WDPCP: variants seen among roughly 807,000 people sequenced by gnomAD.
WDPCP encodes WD repeat-containing and planar cell polarity effector protein fritz homolog.
WDPCP carries 71 observed loss-of-function variants against 93.1 expected under a neutral mutation model. The observed-to-expected ratio is 0.76, with a 90% confidence interval of 0.63 to 0.93. The LOEUF is 0.93. Among genes scored for constraint, WDPCP ranks in the 40% least tolerant of loss-of-function variants. The pLI is 0.00. For missense variants in WDPCP, 844 were observed against 887.4 expected, an observed-to-expected ratio of 0.95 and a Z score of 0.62; for synonymous variants, 315 against 315.0, an observed-to-expected ratio of 1.00 and a Z score of 0.00.
chr2:63,642,150 T>TAAAACA (rs1709987648), intron 3 of WDPCP, among the ~76,000 whole-genome samples: 3 of 152,168 alleles, frequency 2.0e-5, no homozygotes, highest in Non-Finnish European at 4.4e-5. Flanking sequence ...ATGTCTGTTT[T>TAAAACA]TATGCCAGTC....
chr2:63,515,110 T>C (rs1327594411), intron 1 of WDPCP, among the ~76,000 whole-genome samples: 3 of 152,188 alleles, frequency 2.0e-5, no homozygotes, highest in Non-Finnish European at 4.4e-5. Flanking sequence ...TATTTTCTAA[T>C]GAAAATTAGA....
At position 63,522,455 on chromosome 2, in the gene WDPCP, G is replaced by GACACACACACACACACAC. The variant is rs112008719; in HGVS notation, c.76-29533_76-29516dup. ...GGAAATCAAGACAGACAGACAGACA[G>GACACACACACACACACAC]ACACACACACACACACACACACACA... On this transcript the variant is annotated intron_variant, in intron 1 of 17. Transcript: ENST00000272321. Among the ~76,000 whole-genome samples the GACACACACACACACACAC allele has an allele frequency of 1.6e-4, 20 of 127,278 alleles. 1 individual carries two copies. Among genetic ancestry groups the GACACACACACACACACAC allele is most frequent in the South Asian group, 1.3e-3 (5 of 3,788 alleles). 83.5% of individuals were successfully genotyped at this position (127,278 alleles called of 152,430 possible). A position where few individuals can be genotyped will look rare whatever the true frequency, so the allele number is the denominator to read the frequency against.
intron 13 of WDPCP, among the ~76,000 whole-genome samples, chr2:63,298,008 G>A (rs1209994422): frequency 6.6e-6 from 1 of 152,100 alleles, no homozygotes. Flanking sequence ...GAGAAAAAAT[G>A]GCCAAAGGGT....
intron 2 of WDPCP, among the ~76,000 whole-genome samples, chr2:63,720,316 C>CTG (rs1333606482): frequency 1.3e-5 from 2 of 151,624 alleles, no homozygotes; most frequent in Non-Finnish European, 2.9e-5. Flanking sequence ...ACTCGGGAGG[C>CTG]TGAGGCAGAA....
At chr2:63,317,860 G>T (rs1686779986) in intron 12 of WDPCP, among the ~76,000 whole-genome samples, 1 of 152,080 alleles carries the variant, frequency 6.6e-6, no homozygotes, top group Non-Finnish European at 1.5e-5. Flanking sequence ...CCCTGGCAAA[G>T]ATGTCATGAC....
chr2:63,260,500 G>C (rs1681532056), intron 13 of WDPCP, among the ~76,000 whole-genome samples: 1 of 152,048 alleles, frequency 6.6e-6, no homozygotes, highest in Non-Finnish European at 1.5e-5. Context: ...GCAAAGTTTT[G>C]GGAAAACAGG....
chr2:63,277,904 A>C (rs1191664096), intron 13 of WDPCP, among the ~76,000 whole-genome samples: 4 of 152,244 alleles, frequency 2.6e-5, no homozygotes, highest in African/African-American at 9.6e-5. Flanking sequence ...AAATGAACTT[A>C]ACAGATATTT....
chr2:63,500,956 G>A (rs1701513888), intron 1 of WDPCP, among the ~76,000 whole-genome samples: 1 of 152,114 alleles, frequency 6.6e-6, no homozygotes, highest in Non-Finnish European at 1.5e-5. Context: ...ATTATTGAAT[G>A]TGTATCTAGA....
intron 6 of WDPCP, chr2:63,440,647 G>T (rs773151232): frequency 8.5e-5 from 13 of 152,510 alleles, no homozygotes; most frequent in Non-Finnish European, 1.2e-4. Context: ...AAAGGACTAT[G>T]CATATGCGTA....
chr2:63,679,874 C>T (rs1037611034), intron 2 of WDPCP, among the ~76,000 whole-genome samples: 1 of 152,148 alleles, frequency 6.6e-6, no homozygotes, highest in African/African-American at 2.4e-5. Flanking sequence ...GCCTCTCTTT[C>T]TTCTCACTGG....
At chr2:63,415,191 G>A (rs946437150) in intron 9 of WDPCP, among the ~76,000 whole-genome samples, 8 of 152,042 alleles carry the variant, frequency 5.3e-5, no homozygotes, top group Admixed American at 1.3e-4. Flanking sequence ...GCAAGACCTC[G>A]TCTCTACAAA....
chr2:63,655,092 C>T lies in WDPCP; in HGVS notation n.309-4254G>A, dbSNP rs145466773. Among the ~76,000 whole-genome samples, 60 of 152,304 alleles carry T rather than the reference C, an allele frequency of 3.9e-4. No individual in the cohort carries two copies. In the East Asian group the frequency reaches 0.011, roughly 29 times the overall value. On this transcript the variant is annotated intron_variant and non_coding_transcript_variant, in intron 2 of 4. Coordinates refer to the WDPCP transcript ENST00000467687. ...AGAAATGGCTCATGTCATTTGTACT[C>T]ATGCTTCATTGGCCAAAACCATGCA...
At chr2:63,565,553 A>C (rs1269065129) in intron 1 of WDPCP, among the ~76,000 whole-genome samples, 2 of 152,176 alleles carry the variant, frequency 1.3e-5, no homozygotes, top group Non-Finnish European at 2.9e-5. Flanking sequence ...CATTCAATTC[A>C]CTTCTGAATC....
chr2:63,122,251 A>C (rs1362767029), intron 17 of WDPCP, among the ~76,000 whole-genome samples, 195 bp from the exon 18 acceptor site: 2 of 152,190 alleles, frequency 1.3e-5, no homozygotes, highest in Non-Finnish European at 2.9e-5. Context: ...CGATATTTAT[A>C]AAAACTAGTC....
At chr2:63,692,535 T>A (rs919042299) in intron 2 of WDPCP, among the ~76,000 whole-genome samples, 6 of 152,210 alleles carry the variant, frequency 3.9e-5, no homozygotes, top group Non-Finnish European at 8.8e-5. Context: ...TAATTGCTGC[T>A]TTTAAGTGTC....
At chr2:63,821,670 T>G (rs1035485816) in intron 1 of WDPCP, among the ~76,000 whole-genome samples, 1 of 152,088 alleles carries the variant, frequency 6.6e-6, no homozygotes, top group African/African-American at 2.4e-5. Context: ...AGTTAGGATG[T>G]GGTCACAACA....
chr2:63,697,245 C>A (rs1042860762), intron 2 of WDPCP, among the ~76,000 whole-genome samples: 1 of 151,986 alleles, frequency 6.6e-6, no homozygotes, highest in Non-Finnish European at 1.5e-5. Flanking sequence ...TAAATATTTA[C>A]AACATTTTGT....
intron 6 of WDPCP, among the ~76,000 whole-genome samples, chr2:63,470,263 G>T (rs1217136958): frequency 6.6e-6 from 1 of 152,018 alleles, no homozygotes; most frequent in African/African-American, 2.4e-5. Context: ...TATACATCTG[G>T]CCCAAATCTT....
intron 2 of WDPCP, among the ~76,000 whole-genome samples, chr2:63,763,272 G>A (rs1380075469): frequency 6.6e-6 from 1 of 152,116 alleles, no homozygotes; most frequent in Non-Finnish European, 1.5e-5. Flanking sequence ...GGGAGGCTGA[G>A]GAGGGTGGAT....
Sources: gnomAD v4.1 joint callset for allele counts (sites outside exome capture counted in the v4.1 genomes callset) on GRCh38, gnomAD v4.1.1 for gene constraint, MANE v1.5 for transcripts, NCBI Gene and HGNC (gene_info 2026-07-23, HGNC 2026-07-21) for gene names.